Variants in DCDC1 observed in about 807,000 individuals in gnomAD.
The protein encoded by DCDC1 is doublecortin domain-containing protein 1.
DCDC1 carries 200 observed loss-of-function variants against 178.3 expected under a neutral mutation model. That is an observed-to-expected ratio of 1.12 (90% CI 1.00 to 1.26). The LOEUF (loss-of-function observed/expected upper bound fraction) is 1.26. DCDC1 is among the 50% of genes most tolerant of loss of function. DCDC1 has a pLI of 0.00. For missense variants in DCDC1, 1,983 were observed against 1,749.2 expected, an observed-to-expected ratio of 1.13 and a Z score of -2.38; for synonymous variants, 690 against 604.8, an observed-to-expected ratio of 1.14 and a Z score of -2.07.
intron 6 of DCDC1, among the ~76,000 whole-genome samples, chr11:31,303,923 G>A (rs143567210): frequency 5.3e-5 from 8 of 152,208 alleles, no homozygotes; most frequent in African/African-American, 1.9e-4. Context: ...AGATTTTGGT[G>A]GGTTAAGCTT....
intron 18 of DCDC1, among the ~76,000 whole-genome samples, chr11:31,076,670 C>T (rs1956883039): frequency 6.6e-6 from 1 of 152,134 alleles, no homozygotes; most frequent in Non-Finnish European, 1.5e-5. Flanking sequence ...TACAGATGTC[C>T]TTGATAAATT....
intron 1 of DCDC1, among the ~76,000 whole-genome samples, chr11:31,366,314 A>G (rs1242063818): frequency 1.3e-5 from 2 of 152,218 alleles, no homozygotes; most frequent in African/African-American, 4.8e-5. Context: ...GAGAAACAAA[A>G]CTATTAGAGC....
intron 20 of DCDC1, among the ~76,000 whole-genome samples, chr11:31,062,980 T>C (rs1956033975): frequency 1.6e-5 from 2 of 125,414 alleles, no homozygotes; most frequent in South Asian, 5.2e-4. Context: ...CAGAGTGTGA[T>C]GTTCCCCTTC....
In DCDC1 at chr11:30,915,845, A is replaced by G. The variant is rs562723778; in HGVS notation, c.3453-134T>C. 2.4e-5 allele frequency: 19 copies of G among 808,220 alleles called. No individual in the cohort carries two copies. In the South Asian group the frequency reaches 3.1e-4, roughly 13 times the overall value. The allele number at this position is 808,220 out of a possible 1,614,324, so 50.1% of individuals were successfully genotyped here. On this transcript the variant is annotated intron_variant, in intron 26 of 38. Transcript: ENST00000684477. ...ACACGTTAACTTGAAATGATAGACC[A>G]TATCATTAGAATGACGGCAATGCTA...
chr11:31,223,798 A>G (rs967614802), intron 9 of DCDC1, among the ~76,000 whole-genome samples: 3 of 152,128 alleles, frequency 2.0e-5, no homozygotes, highest in Non-Finnish European at 4.4e-5. Context: ...CAAAACACAT[A>G]TATATGTAAT....
At chr11:31,359,912 A>C (rs1433981138) in intron 1 of DCDC1, among the ~76,000 whole-genome samples, 1 of 152,164 alleles carries the variant, frequency 6.6e-6, no homozygotes, top group Non-Finnish European at 1.5e-5. Flanking sequence ...CTTGGGTTTG[A>C]ATTTTTGCCT....
intron 29 of DCDC1, among the ~76,000 whole-genome samples, chr11:30,907,292 A>G (rs956985403): frequency 6.6e-6 from 1 of 152,242 alleles, no homozygotes; most frequent in Non-Finnish European, 1.5e-5. Context: ...GCATCAATTT[A>G]AAACTCTACA....
intron 9 of DCDC1, among the ~76,000 whole-genome samples, chr11:31,235,280 T>A (rs1976312073): frequency 6.6e-6 from 1 of 151,832 alleles, no homozygotes; most frequent in African/African-American, 2.4e-5. Flanking sequence ...ACATCAACAG[T>A]GTATTAGAAA....
At position 30,890,948 on chromosome 11, in the gene DCDC1, T is replaced by C. The variant is rs561653747; in HGVS notation, c.5082+1870A>G. Among the ~76,000 whole-genome samples the C allele has an allele frequency of 2.6e-5, 4 of 152,340 alleles. No homozygotes were observed. The South Asian group carries it at 8.3e-4, about 32-fold the overall frequency. On this transcript the variant is annotated intron_variant, in intron 36 of 38. Transcript: ENST00000684477. The stretch of plus-strand genomic sequence containing the variant: ...CTGTTAGAAATAGGCTTGTAATAAA[T>C]ATTCTTAATAAATAGTTGTTGCCTA...
chr11:31,213,315 A>G (rs1473803278), intron 9 of DCDC1, among the ~76,000 whole-genome samples: 1 of 151,724 alleles, frequency 6.6e-6, no homozygotes, highest in Non-Finnish European at 1.5e-5. Context: ...TATCATTGGT[A>G]AGTAGAGACT....
chr11:30,970,714 G>A (rs1949726420), intron 20 of DCDC1, among the ~76,000 whole-genome samples: 1 of 152,164 alleles, frequency 6.6e-6, no homozygotes. Flanking sequence ...GCCAATGACA[G>A]CAATCCTGCC....
chr11:31,076,780 T>C (rs1479850034), intron 18 of DCDC1, among the ~76,000 whole-genome samples: 1 of 152,152 alleles, frequency 6.6e-6, no homozygotes, highest in East Asian at 1.9e-4. Flanking sequence ...CTTTCCAGTG[T>C]CATTCTTTCT....
At chr11:31,150,872 C>A (rs1197342444) in intron 9 of DCDC1, among the ~76,000 whole-genome samples, 1 of 152,102 alleles carries the variant, frequency 6.6e-6, no homozygotes, top group Non-Finnish European at 1.5e-5. Context: ...CAACAGGCTA[C>A]TAAACTTCTG....
rs111688346 is a variant in DCDC1, at chr11:30,986,460, T to C, written c.2592-33892A>G. On this transcript the variant is annotated intron_variant, in intron 20 of 38. Transcript: ENST00000684477. ...TGATTCTCCTGCCTCAGCCTCCCAA[T>C]TAGCTGGGACTACAGGCACACACCA... is the stretch of plus-strand genomic sequence containing the variant. 4.2e-3 allele frequency among the ~76,000 whole-genome samples: 629 copies of C among 151,168 alleles called. 7 individuals carry two copies. Among genetic ancestry groups the C allele is most frequent in the African/African-American group, 0.015 (600 of 41,182 alleles).
rs75554943 is a variant in DCDC1 at position 31,360,848 on chromosome 11, G to A, written c.-125+8849C>T. Among the ~76,000 whole-genome samples the A allele has an allele frequency of 5.5e-3, 839 of 152,264 alleles. 7 individuals are homozygous for A. The highest frequency in any genetic ancestry group is 0.019 in the African/African-American group (795 of 41,540). On this transcript the variant is annotated intron_variant, in intron 1 of 38. Coordinates refer to ENST00000684477, the MANE Select transcript of DCDC1 (RefSeq NM_001387274.1). ...GATTTGGAATCATCATTCTGATTCC[G>A]TAAGTTTTATGTTAGTTGGACCTAC...
chr11:31,074,531 C>T (rs1416155537), intron 18 of DCDC1, among the ~76,000 whole-genome samples: 1 of 152,094 alleles, frequency 6.6e-6, no homozygotes, highest in Non-Finnish European at 1.5e-5. Context: ...CGGCATTTGT[C>T]CCCTCCAGAG....
chr11:30,899,370 T>C (rs1315439442), intron 34 of DCDC1, among the ~76,000 whole-genome samples, 171 bp downstream of exon 34: 1 of 152,116 alleles, frequency 6.6e-6, no homozygotes, highest in Admixed American at 6.6e-5. Context: ...CCAAAAAATA[T>C]ATTATTAGGT....
At chr11:31,186,432 T>G (rs564439818) in intron 9 of DCDC1, among the ~76,000 whole-genome samples, 13 of 152,292 alleles carry the variant, frequency 8.5e-5, no homozygotes, top group Non-Finnish European at 1.9e-4. Context: ...CTGTACTGCA[T>G]CCAGTTTGTG....
chr11:31,359,559 A>T (rs1011706932), intron 1 of DCDC1, among the ~76,000 whole-genome samples: 3 of 152,144 alleles, frequency 2.0e-5, no homozygotes, highest in Non-Finnish European at 4.4e-5. Flanking sequence ...CATTGTGCAC[A>T]TGTACCCTAA....
Sources: allele counts gnomAD v4.1 joint callset (sites outside exome capture counted in the v4.1 genomes callset), GRCh38; gene constraint gnomAD v4.1.1; transcripts MANE v1.5; gene names NCBI Gene and HGNC (gene_info 2026-07-23, HGNC 2026-07-21).